Variants in HSD11B1 observed in about 807,000 individuals in gnomAD.
HSD11B1 encodes the protein hydroxysteroid 11-beta dehydrogenase 1.
In HSD11B1, 15 loss-of-function variants were observed where a neutral mutation model predicts 22.1. The ratio of observed to expected loss-of-function variants is 0.68; its 90% CI spans 0.45 to 1.04. HSD11B1 has a LOEUF of 1.04. HSD11B1 is among the 50% of genes least tolerant of loss of function. The probability of loss-of-function intolerance (pLI) is 0.00; values close to 1 mark genes in which losing one functional copy is unlikely to be tolerated. For synonymous variants in HSD11B1, 122 were observed against 125.2 expected (o/e 0.97, Z 0.17); for missense variants, 281 against 357.6 (o/e 0.79, Z 1.73).
At position 209,706,006 on chromosome 1, in the gene HSD11B1, C is replaced by T; in HGVS notation, c.219+65C>T. On this transcript the variant is annotated intron_variant, in intron 2 of 5. Transcript: ENST00000367027. The surrounding 1 kb of genome is among the most constrained non-coding windows in gnomAD (Gnocchi z 4.0). ...GCTCAGATGTGTTCTTATATATGCTCACATATACACAGAAGCTAGCATATC... is the reference window on the plus strand; with the variant it reads ...GCTCAGATGTGTTCTTATATATGCTTACATATACACAGAAGCTAGCATATC... 1.3e-6 allele frequency: 2 copies of T among 1,582,662 alleles called. No homozygotes were observed. The highest frequency in any genetic ancestry group is 1.7e-6 in the Non-Finnish European group (2 of 1,154,724).
At chr1:209,730,415 G>C (rs534543244) in intron 4 of HSD11B1, among the ~76,000 whole-genome samples, 3 of 152,290 alleles carry the variant, frequency 2.0e-5, no homozygotes, top group Non-Finnish European at 2.9e-5. Context: ...TGTAAAAGTT[G>C]CATGCCACCT....
rs1464677838 is a variant in HSD11B1 at position 209,734,601 on chromosome 1, A to C, written c.*80A>C. The C allele has an allele frequency of 9.4e-7, 1 of 1,064,814 alleles. No homozygotes were observed. Among genetic ancestry groups the C allele is most frequent in the Non-Finnish European group, 1.4e-6 (1 of 693,384 alleles). The allele number at this position is 1,064,814 out of a possible 1,614,324, so 66.0% of individuals were successfully genotyped here. A position where few individuals can be genotyped will look rare whatever the true frequency, so the allele number is the denominator to read the frequency against. On this transcript the variant is annotated 3_prime_UTR_variant, in exon 6 of 6. Transcript: ENST00000367027. ...TTTATCTGAGCTCTTATCTATGAAGACATCTTCCCAGAGTGTCCCCAGAGA... is the reference window on the plus strand; with the variant it reads ...TTTATCTGAGCTCTTATCTATGAAGCCATCTTCCCAGAGTGTCCCCAGAGA...
intron 4 of HSD11B1, among the ~76,000 whole-genome samples, chr1:209,721,347 G>A (rs1307336793): frequency 6.6e-6 from 1 of 151,312 alleles, no homozygotes; most frequent in Admixed American, 6.6e-5. Context: ...GGGGAGATGG[G>A]ACATGAGGTC....
rs1004349491 is a variant in HSD11B1, at chr1:209,716,333, GA to G, written c.517+9216del. Among the ~76,000 whole-genome samples the G allele has an allele frequency of 8.4e-4, 109 of 130,498 alleles. 1 individual carries two copies. Among genetic ancestry groups the G allele is most frequent in the Non-Finnish European group, 7.7e-4 (46 of 60,130 alleles). The allele number at this position is 130,498 out of a possible 152,430, so 85.6% of individuals were successfully genotyped here. A position where few individuals can be genotyped will look rare whatever the true frequency, so the allele number is the denominator to read the frequency against. ...AGAAAAACCATTTACAATAGCTACA[GA>G]AAAAAAAAAACCACCTAGGAATAAA... is the stretch of plus-strand genomic sequence containing the variant. On this transcript the variant is annotated intron_variant, in intron 4 of 5. Transcript: ENST00000367027.
chr1:209,722,462 T>G (rs1357329541), intron 4 of HSD11B1, among the ~76,000 whole-genome samples: 1 of 152,206 alleles, frequency 6.6e-6, no homozygotes, highest in Non-Finnish European at 1.5e-5. Context: ...CCCTCTTCTC[T>G]TTTCACTCAA....
intron 4 of HSD11B1, among the ~76,000 whole-genome samples, chr1:209,724,549 G>T (rs1383831552): frequency 1.3e-5 from 2 of 152,174 alleles, no homozygotes; most frequent in African/African-American, 4.8e-5. Flanking sequence ...CAGCTGAAAT[G>T]AAAGCAGAAA....
chr1:209,720,901 A>G (rs892692534), intron 4 of HSD11B1, among the ~76,000 whole-genome samples: 1 of 152,188 alleles, frequency 6.6e-6, no homozygotes, highest in Non-Finnish European at 1.5e-5. Context: ...GTCCTTGCAG[A>G]TGTAGTTAAG....
chr1:209,706,004 C>T lies in HSD11B1; in HGVS notation c.219+63C>T, dbSNP rs1024105526. On this transcript the variant is annotated intron_variant, in intron 2 of 5. Transcript: ENST00000367027. The surrounding 1 kb of genome is among the most constrained non-coding windows in gnomAD (Gnocchi z 4.0). The stretch of plus-strand genomic sequence containing the variant: ...ATGCTCAGATGTGTTCTTATATATG[C>T]TCACATATACACAGAAGCTAGCATA... The T allele has an allele frequency of 6.9e-5, 110 of 1,584,054 alleles. 1 individual carries two copies. The East Asian group carries it at 2.4e-3, about 35-fold the overall frequency.
At chr1:209,721,842 G>A (rs1038207009) in intron 4 of HSD11B1, among the ~76,000 whole-genome samples, 3 of 152,144 alleles carry the variant, frequency 2.0e-5, no homozygotes, top group African/African-American at 7.2e-5. Context: ...TCAAGCAAGG[G>A]CACTTCCAGC....
rs569365044 is a variant in HSD11B1 at position 209,706,701 on chromosome 1, C to T, written c.220-8C>T. On this transcript the variant is annotated splice_polypyrimidine_tract_variant and splice_region_variant and intron_variant, in intron 2 of 5. Transcript: ENST00000367027. This position sits in a 1 kb window ranked among gnomAD's most constrained non-coding sequence, Gnocchi z 4.0. Reference sequence around the variant, plus strand: ...AAGACTGATGCCATTTCTGCTGTATCACTGCAGGTGGTATCCCACTGCCTG... The same window carrying T: ...AAGACTGATGCCATTTCTGCTGTATTACTGCAGGTGGTATCCCACTGCCTG... 23 of 1,597,296 alleles carry T rather than the reference C, an allele frequency of 1.4e-5. No homozygotes were observed. The highest frequency in any genetic ancestry group is 1.9e-5 in the Non-Finnish European group (22 of 1,165,300).
chr1:209,705,080 G>A, intron 1 of HSD11B1, 50 bp downstream of exon 1: 1 of 1,407,838 alleles, frequency 7.1e-7, no homozygotes, highest in Non-Finnish European at 1.0e-6. Context: ...AAAAACACAG[G>A]GGTGCTTGAG....
chr1:209,734,591 ATC>A lies in HSD11B1; in HGVS notation c.*72_*73del. The A allele has an allele frequency of 8.8e-7, 1 of 1,135,358 alleles. No homozygotes were observed. The highest frequency in any genetic ancestry group is 1.3e-6 in the Non-Finnish European group (1 of 754,532). 70.3% of individuals were successfully genotyped at this position (1,135,358 alleles called of 1,614,324 possible). A position where few individuals can be genotyped will look rare whatever the true frequency, so the allele number is the denominator to read the frequency against. ...CTGTCTCATGTTTATCTGAGCTCTTATCTATGAAGACATCTTCCCAGAGTGTC... is the reference window on the plus strand; with the variant it reads ...CTGTCTCATGTTTATCTGAGCTCTTATATGAAGACATCTTCCCAGAGTGTC... On this transcript the variant is annotated 3_prime_UTR_variant, in exon 6 of 6. Transcript: ENST00000367027.
Position 209,731,817 on chromosome 1 carries a change from C to T in HSD11B1, c.518-619C>T, listed in dbSNP as rs146532149. ...GCAACTTCCGCCTCCCAAATTCAAGCGATTCACCTGCCTCAGCCTCCCGAG... is the reference window on the plus strand; with the variant it reads ...GCAACTTCCGCCTCCCAAATTCAAGTGATTCACCTGCCTCAGCCTCCCGAG... On this transcript the variant is annotated intron_variant, in intron 4 of 5. Coordinates refer to ENST00000367027, the MANE Select transcript of HSD11B1 (RefSeq NM_005525.4). Among the ~76,000 whole-genome samples the T allele has an allele frequency of 3.5e-3, 535 of 152,270 alleles. 14 individuals are homozygous for T. The East Asian group carries it at 0.041, about 12-fold the overall frequency.
chr1:209,702,181 T>A (rs2076830303), upstream of HSD11B1, among the ~76,000 whole-genome samples: 1 of 152,252 alleles, frequency 6.6e-6, no homozygotes, highest in Non-Finnish European at 1.5e-5. Flanking sequence ...TTTTTAAAAC[T>A]TTGTTGACAA....
intron 4 of HSD11B1, among the ~76,000 whole-genome samples, chr1:209,721,789 C>T (rs964591435): frequency 6.6e-6 from 1 of 152,220 alleles, no homozygotes; most frequent in Non-Finnish European, 1.5e-5. Flanking sequence ...GAAGCCAATC[C>T]TTGGACTACA....
chr1:209,732,620 T>C (rs535898855), intron 5 of HSD11B1, 41 bp downstream of exon 5: 2 of 1,547,938 alleles, frequency 1.3e-6, no homozygotes, highest in East Asian at 2.2e-5. Context: ...TTATTATACT[T>C]TAAGTTCTAG....
At chr1:209,686,957 C>T (rs1020122739) in intron 1 of HSD11B1, among the ~76,000 whole-genome samples, 2 of 152,160 alleles carry the variant, frequency 1.3e-5, no homozygotes, top group Non-Finnish European at 2.9e-5. Flanking sequence ...ACCCTCTGAG[C>T]CCTAAACGGG....
chr1:209,721,441 T>G (rs933884147), intron 4 of HSD11B1, among the ~76,000 whole-genome samples: 5 of 149,962 alleles, frequency 3.3e-5, no homozygotes, highest in Non-Finnish European at 5.9e-5. Context: ...CTTGCAACTT[T>G]TCTTTAAGTT....
chr1:209,705,725 C>T (rs889169913), intron 1 of HSD11B1, 86 bp from the exon 2 acceptor site: 19 of 1,536,296 alleles, frequency 1.2e-5, no homozygotes, highest in Admixed American at 5.0e-5. Context: ...TTACAAATTG[C>T]GATAAGCATG....
Sources: gnomAD v4.1 joint callset for allele counts (sites outside exome capture counted in the v4.1 genomes callset) on GRCh38, gnomAD v4.1.1 for gene constraint, Gnocchi (gnomAD v3.1) non-coding constraint, MANE v1.5 for transcripts, NCBI Gene and HGNC (gene_info 2026-07-23, HGNC 2026-07-21) for gene names.